Variants in ADGRV1 observed in about 807,000 individuals in gnomAD.
ADGRV1 encodes G-protein coupled receptor 98.
In ADGRV1, 359 loss-of-function variants were observed where a neutral mutation model predicts 596.2. The observed-to-expected ratio is 0.60, with a 90% CI of 0.55 to 0.66. ADGRV1 has a LOEUF of 0.66. Among genes scored for constraint, ADGRV1 ranks in the 30% least tolerant of loss-of-function variants. The probability of loss-of-function intolerance (pLI) is 0.00; values close to 1 mark genes in which losing one functional copy is unlikely to be tolerated. For synonymous variants in ADGRV1, 2,681 were observed against 2,679.2 expected, an observed-to-expected ratio of 1.00 and a Z score of -0.02; for missense variants, 7,274 against 7,575.6, an observed-to-expected ratio of 0.96 and a Z score of 1.48.
chr5:90,724,856 T>C lies in ADGRV1; in HGVS notation c.9773T>C (p.Val3258Ala). 2 of 1,613,332 alleles carry C rather than the reference T, an allele frequency of 1.2e-6. No individual in the cohort carries two copies. The highest frequency in any genetic ancestry group is 1.7e-6 in the Non-Finnish European group (2 of 1,179,536). Reference sequence around the variant, plus strand: ...GGGGGAATGGATGTTGTGTTTTCCGTATTTCAAAGTTTTTTGGATGAATCA... The same window carrying C: ...GGGGGAATGGATGTTGTGTTTTCCGCATTTCAAAGTTTTTTGGATGAATCA... ...GMRGMDVVFS[V>A]FQSFLDESAS... Residue 3258 changes from valine (V) to alanine (A), a missense_variant, in exon 46 of 90, where the codon GTA becomes GCA. This residue lies in a region of ADGRV1 where 3,643 missense variants were observed against 3,809.2 expected (regional missense o/e 0.96). Coordinates refer to ENST00000405460, the MANE Select transcript of ADGRV1 (RefSeq NM_032119.4).
At chr5:90,965,305 T>C in intron 83 of ADGRV1, 110 bp from the exon 84 acceptor site, 1 of 700,740 alleles carries the variant, frequency 1.4e-6, no homozygotes, top group Non-Finnish European at 2.5e-6. Context: ...TCAACTTACT[T>C]TCACATGGAA....
At chr5:90,690,198 C>A in intron 30 of ADGRV1, 122 bp downstream of exon 30, 1 of 632,568 alleles carries the variant, frequency 1.6e-6, no homozygotes, top group Non-Finnish European at 2.8e-6. Flanking sequence ...CCTGCTGTTA[C>A]TGACATATAG....
At chr5:91,013,799 G>A (rs1441589896) in intron 85 of ADGRV1, among the ~76,000 whole-genome samples, 3 of 151,860 alleles carry the variant, frequency 2.0e-5, no homozygotes, top group Non-Finnish European at 4.4e-5. Flanking sequence ...TGTGTAGGGT[G>A]GTATTGCCTA....
intron 59 of ADGRV1, among the ~76,000 whole-genome samples, chr5:90,772,203 G>A (rs1343977196): frequency 6.6e-6 from 1 of 152,158 alleles, no homozygotes; most frequent in African/African-American, 2.4e-5. Context: ...TCACTAAGGT[G>A]TATTTGCAAC....
intron 83 of ADGRV1, among the ~76,000 whole-genome samples, chr5:90,883,618 G>A (rs1401978039): frequency 6.6e-6 from 1 of 152,058 alleles, no homozygotes; most frequent in Non-Finnish European, 1.5e-5. Context: ...CATATGTGCA[G>A]ACTATTCCTC....
intron 53 of ADGRV1, 56 bp downstream of exon 53, chr5:90,750,753 T>C (rs1755155632): frequency 7.2e-7 from 1 of 1,398,442 alleles, no homozygotes; most frequent in African/African-American, 1.4e-5. Context: ...ACTAGTGATG[T>C]ATGGGACCAA....
At chr5:90,949,844 T>G (rs1204109524) in intron 83 of ADGRV1, among the ~76,000 whole-genome samples, 2 of 150,612 alleles carry the variant, frequency 1.3e-5, no homozygotes, top group Non-Finnish European at 3.0e-5. Context: ...TATTTTAAAA[T>G]GGACTGTGTG....
chr5:90,930,959 A>G (rs1176015672), intron 83 of ADGRV1, among the ~76,000 whole-genome samples: 1 of 152,218 alleles, frequency 6.6e-6, no homozygotes, highest in Non-Finnish European at 1.5e-5. Context: ...TGCATCAGTG[A>G]TAAGAAAACT....
At chr5:90,840,182 A>C (rs1182468800) in intron 77 of ADGRV1, among the ~76,000 whole-genome samples, 2 of 151,996 alleles carry the variant, frequency 1.3e-5, no homozygotes, top group African/African-American at 4.8e-5. Context: ...TACTCTCCCC[A>C]GCCTGCCCCC....
At chr5:91,011,288 A>G (rs1230318156) in intron 85 of ADGRV1, among the ~76,000 whole-genome samples, 1 of 151,988 alleles carries the variant, frequency 6.6e-6, no homozygotes, top group Non-Finnish European at 1.5e-5. Flanking sequence ...ATTACCAGTT[A>G]TTTTATTTTC....
Position 90,783,979 on chromosome 5 carries a change from T to C in ADGRV1, c.13575T>C (p.Ile4525=), listed in dbSNP as rs747738965. The change falls in exon 67 of 90, where the codon ATT becomes ATC. Residue 4525 remains isoleucine (I), a synonymous_variant. Transcript: ENST00000405460. ...TAAGGTTTCTCAATCAAAGCAAAAT[T>C]TCTATTGCTAATCCCAATTCCACAA... ...GVIRFLNQSK[I]SIANPNSTMI... 54 of 1,612,490 alleles carry C rather than the reference T, an allele frequency of 3.3e-5. No individual in the cohort carries two copies. Among genetic ancestry groups the C allele is most frequent in the Non-Finnish European group, 4.6e-5 (54 of 1,179,296 alleles).
intron 57 of ADGRV1, among the ~76,000 whole-genome samples, chr5:90,757,591 T>TA (rs1195552858): frequency 6.6e-6 from 1 of 152,118 alleles, no homozygotes; most frequent in Non-Finnish European, 1.5e-5. Flanking sequence ...ACTTAATATC[T>TA]AAAATGCCCT....
chr5:90,640,267 T>A (rs1035166767), intron 11 of ADGRV1, among the ~76,000 whole-genome samples: 1 of 152,176 alleles, frequency 6.6e-6, no homozygotes, highest in Non-Finnish European at 1.5e-5. Context: ...GATGCCAAGT[T>A]GTATTTAAGT....
intron 4 of ADGRV1, 43 bp downstream of exon 4, chr5:90,619,224 G>C: frequency 2.2e-6 from 2 of 893,566 alleles, no homozygotes; most frequent in Non-Finnish European, 3.3e-6. Context: ...CTAGATAATA[G>C]TTTATTAAAT....
intron 73 of ADGRV1, among the ~76,000 whole-genome samples, chr5:90,808,816 A>T (rs951592040): frequency 1.2e-4 from 18 of 152,046 alleles, no homozygotes; most frequent in African/African-American, 4.3e-4. Flanking sequence ...GAATCGCTTG[A>T]GCCCAGGAGG....
At chr5:91,088,014 CA>C (rs1373852137) in intron 86 of ADGRV1, among the ~76,000 whole-genome samples, 6 of 152,080 alleles carry the variant, frequency 3.9e-5, no homozygotes, top group African/African-American at 1.4e-4. Context: ...TTGAATTTGA[CA>C]GAGGCAAGCT....
At chr5:90,824,757 A>G (rs1201613944) in intron 76 of ADGRV1, among the ~76,000 whole-genome samples, 1 of 152,218 alleles carries the variant, frequency 6.6e-6, no homozygotes. Context: ...TGATGTTTAT[A>G]TCAGTTAAAC....
intron 76 of ADGRV1, among the ~76,000 whole-genome samples, chr5:90,824,905 A>G (rs1354940581): frequency 6.6e-6 from 1 of 151,828 alleles, no homozygotes; most frequent in Non-Finnish European, 1.5e-5. Flanking sequence ...AAATATTTTT[A>G]TGCTTCCATC....
intron 15 of ADGRV1, among the ~76,000 whole-genome samples, chr5:90,645,142 G>C (rs908099144): frequency 6.6e-6 from 1 of 152,194 alleles, no homozygotes; most frequent in African/African-American, 2.4e-5. Flanking sequence ...CCCTCGGCTT[G>C]TATTTAGTCC....
Sources: allele counts gnomAD v4.1 joint callset (sites outside exome capture counted in the v4.1 genomes callset), GRCh38; gene constraint gnomAD v4.1.1; regional missense constraint gnomAD v4.1.1; transcripts MANE v1.5; gene names NCBI Gene and HGNC (gene_info 2026-07-23, HGNC 2026-07-21).